The following GABBR2 variants were observed in gnomAD, a reference collection of about 807,000 sequenced individuals.
GABBR2 encodes the protein gamma-aminobutyric acid type B receptor subunit 2, also known as G-protein coupled receptor 51.
Under a neutral mutation model 105.6 loss-of-function variants are expected in GABBR2, and 23 were observed. The observed-to-expected ratio is 0.22, with a 90% CI of 0.16 to 0.31. The LOEUF (loss-of-function observed/expected upper bound fraction) is 0.31, where lower values mean the gene tolerates loss of function less well. GABBR2 is among the 10% of genes least tolerant of loss of function. The pLI, the probability that GABBR2 is intolerant of heterozygous loss-of-function variation, is 1.00. For synonymous variants in GABBR2, 478 were observed against 499.7 expected, an observed-to-expected ratio of 0.96 and a Z score of 0.58; for missense variants, 734 against 1,245.5, an observed-to-expected ratio of 0.59 and a Z score of 6.18.
chr9:98,383,153 C>T (rs575443889), intron 11 of GABBR2, among the ~76,000 whole-genome samples: 15 of 152,110 alleles, frequency 9.9e-5, no homozygotes, highest in Non-Finnish European at 1.5e-4. Context: ...GTTGGTCAGG[C>T]TGGTCTTGAA....
At chr9:98,389,865 C>T (rs1588136074) in intron 9 of GABBR2, among the ~76,000 whole-genome samples, 2 of 152,202 alleles carry the variant, frequency 1.3e-5, no homozygotes, top group Non-Finnish European at 2.9e-5. Context: ...AATTGTGAAA[C>T]TTCAGGGCTT....
chr9:98,541,016 G>C (rs769926638), intron 3 of GABBR2, among the ~76,000 whole-genome samples: 11 of 152,176 alleles, frequency 7.2e-5, no homozygotes, highest in Non-Finnish European at 5.9e-5. Flanking sequence ...ACTTCTAGAA[G>C]TCTACTGCCA....
At chr9:98,334,566 C>A (rs896882856) in intron 13 of GABBR2, among the ~76,000 whole-genome samples, 5 of 143,758 alleles carry the variant, frequency 3.5e-5, no homozygotes, top group African/African-American at 1.3e-4. Flanking sequence ...TATTATAGTA[C>A]GTGTTTGCTT....
chr9:98,500,458 G>A (rs1827375389), intron 3 of GABBR2, among the ~76,000 whole-genome samples: 1 of 152,222 alleles, frequency 6.6e-6, no homozygotes, highest in African/African-American at 2.4e-5. Flanking sequence ...GACAGGGAGT[G>A]AGGAGTGCTG....
At chr9:98,444,863 G>A (rs1182884088) in intron 7 of GABBR2, among the ~76,000 whole-genome samples, 1 of 122,090 alleles carries the variant, frequency 8.2e-6, no homozygotes, top group Non-Finnish European at 1.7e-5. Flanking sequence ...ACATGCATAT[G>A]CACATGCGCG....
intron 1 of GABBR2, among the ~76,000 whole-genome samples, chr9:98,615,218 C>T (rs1030754186): frequency 4.6e-5 from 7 of 152,160 alleles, no homozygotes; most frequent in East Asian, 1.9e-4. Context: ...CTAGAGCACA[C>T]GGTCAATGCA....
At chr9:98,436,833 GAA>G (rs1228789027) in intron 7 of GABBR2, among the ~76,000 whole-genome samples, 1 of 152,144 alleles carries the variant, frequency 6.6e-6, no homozygotes, top group African/African-American at 2.4e-5. Flanking sequence ...GATGATGTTT[GAA>G]AATATAATCC....
At chr9:98,423,322 T>A (rs1277415188) in intron 7 of GABBR2, among the ~76,000 whole-genome samples, 1 of 152,252 alleles carries the variant, frequency 6.6e-6, no homozygotes, top group African/African-American at 2.4e-5. Flanking sequence ...TGAGATGGTA[T>A]CTCATTGTGG....
At chr9:98,698,405 A>T (rs989286561) in intron 1 of GABBR2, among the ~76,000 whole-genome samples, 1 of 152,254 alleles carries the variant, frequency 6.6e-6, no homozygotes, top group African/African-American at 2.4e-5. Context: ...TGCCCCCATC[A>T]GCCCAAAAAA....
intron 1 of GABBR2, among the ~76,000 whole-genome samples, chr9:98,670,860 T>A (rs552369250): frequency 6.6e-6 from 1 of 152,186 alleles, no homozygotes; most frequent in African/African-American, 2.4e-5. Flanking sequence ...GTTTAATGGA[T>A]ACAGAGTTCA....
chr9:98,596,192 C>G (rs560041211), intron 1 of GABBR2, among the ~76,000 whole-genome samples: 2 of 152,224 alleles, frequency 1.3e-5, no homozygotes, highest in African/African-American at 4.8e-5. Context: ...TTTCCTCCCC[C>G]ATAAACGAGG....
intron 12 of GABBR2, among the ~76,000 whole-genome samples, chr9:98,370,623 C>T (rs1480935112): frequency 1.3e-5 from 2 of 152,184 alleles, no homozygotes; most frequent in Non-Finnish European, 2.9e-5. Context: ...GAAGTTGTGC[C>T]AATCAATGCT....
chr9:98,321,106 G>A (rs1830813916), intron 13 of GABBR2, among the ~76,000 whole-genome samples: 1 of 152,142 alleles, frequency 6.6e-6, no homozygotes, highest in Non-Finnish European at 1.5e-5. Flanking sequence ...AAGGGCAGGA[G>A]TCTCCAGCAG....
At chr9:98,367,309 A>AAAT (rs1272641345) in intron 12 of GABBR2, among the ~76,000 whole-genome samples, 43 of 145,278 alleles carry the variant, frequency 3.0e-4, no homozygotes, top group African/African-American at 1.1e-3. Context: ...AAAAAAAAAA[A>AAAT]AAAAAATAAG....
At chr9:98,666,359 C>T (rs1830333343) in intron 1 of GABBR2, among the ~76,000 whole-genome samples, 1 of 152,178 alleles carries the variant, frequency 6.6e-6, no homozygotes, top group Non-Finnish European at 1.5e-5. Context: ...CAGGATCACT[C>T]CCAGTGACCC....
intron 7 of GABBR2, among the ~76,000 whole-genome samples, chr9:98,419,802 T>C (rs1395615982): frequency 6.6e-6 from 1 of 152,128 alleles, no homozygotes; most frequent in East Asian, 1.9e-4. Flanking sequence ...CTGCATATCT[T>C]GCATGGATCA....
intron 9 of GABBR2, among the ~76,000 whole-genome samples, chr9:98,392,117 C>T (rs746782509): frequency 6.6e-5 from 10 of 152,040 alleles, no homozygotes; most frequent in East Asian, 1.9e-4. Flanking sequence ...CCTGGCACAG[C>T]GGCTTCCTGT....
rs34647195 is a variant in GABBR2, at chr9:98,438,172, T to TATCC, written c.1236+15805_1236+15808dup. Among the ~76,000 whole-genome samples, 1,287 of 143,804 alleles carry TATCC rather than the reference T, an allele frequency of 8.9e-3. 9 individuals are homozygous for TATCC. The highest frequency in any genetic ancestry group is 0.016 in the East Asian group (77 of 4,906). 94.3% of individuals were successfully genotyped at this position (143,804 alleles called of 152,430 possible). Reference sequence around the variant, plus strand: ...ATCCCTCCATCTATATCCATCTACCTATCCATCCATCCATCCATCCATCCA... The same window carrying TATCC: ...ATCCCTCCATCTATATCCATCTACCTATCCATCCATCCATCCATCCATCCATCCA... On this transcript the variant is annotated intron_variant, in intron 7 of 18. Coordinates refer to ENST00000259455, the MANE Select transcript of GABBR2 (RefSeq NM_005458.8).
chr9:98,639,599 CAA>C (rs113683310), intron 1 of GABBR2, among the ~76,000 whole-genome samples: 2 of 141,212 alleles, frequency 1.4e-5, no homozygotes. Context: ...CACGCATAGA[CAA>C]AAAAAAAAAA....
Sources: gnomAD v4.1 joint callset for allele counts (sites outside exome capture counted in the v4.1 genomes callset) on GRCh38, gnomAD v4.1.1 for gene constraint, MANE v1.5 for transcripts, NCBI Gene and HGNC (gene_info 2026-07-23, HGNC 2026-07-21) for gene names.